CTNNA2: variants seen among roughly 807,000 people sequenced by gnomAD.
CTNNA2 encodes the protein catenin alpha-2.
CTNNA2 carries 42 observed loss-of-function variants against 101.0 expected under a neutral mutation model. The observed-to-expected ratio is 0.42, with a 90% CI of 0.32 to 0.54. CTNNA2 has a LOEUF of 0.54. CTNNA2 is among the 20% of genes least tolerant of loss of function. The pLI is 0.14. For synonymous variants in CTNNA2, 450 were observed against 456.4 expected (o/e 0.99, Z 0.18); for missense variants, 871 against 1,223.1 (o/e 0.71, Z 4.29).
intron 4 of CTNNA2, among the ~76,000 whole-genome samples, chr2:79,476,797 C>T (rs188140912): frequency 4.6e-5 from 7 of 152,188 alleles, no homozygotes; most frequent in Non-Finnish European, 8.8e-5. Context: ...CTCTCGGCTA[C>T]CTTTGCCATC....
At chr2:79,227,399 T>C (rs1674431650) in intron 2 of CTNNA2, among the ~76,000 whole-genome samples, 1 of 152,216 alleles carries the variant, frequency 6.6e-6, no homozygotes, top group Admixed American at 6.5e-5. Flanking sequence ...ATCTATGCAA[T>C]GGCGATATTC....
chr2:79,762,629 A>G (rs1672869748), intron 3 of CTNNA2, among the ~76,000 whole-genome samples: 1 of 152,206 alleles, frequency 6.6e-6, no homozygotes, highest in Admixed American at 6.5e-5. Flanking sequence ...TATTCAGGCA[A>G]GACCTGGTCA....
intron 9 of CTNNA2, among the ~76,000 whole-genome samples, chr2:80,487,895 A>C (rs531148769): frequency 6.6e-6 from 1 of 152,148 alleles, no homozygotes; most frequent in South Asian, 2.1e-4. Flanking sequence ...CTTTTGATAT[A>C]TTTTTTCTGT....
intron 7 of CTNNA2, among the ~76,000 whole-genome samples, chr2:80,223,234 A>C (rs937958468): frequency 6.6e-6 from 1 of 152,194 alleles, no homozygotes; most frequent in African/African-American, 2.4e-5. Context: ...GAACGTAATG[A>C]AGAATACTTG....
chr2:79,402,007 G>A (rs1214515641), intron 4 of CTNNA2, among the ~76,000 whole-genome samples: 1 of 151,690 alleles, frequency 6.6e-6, no homozygotes, highest in Non-Finnish European at 1.5e-5. Context: ...TAGCCATGCA[G>A]TGGCTATAAT....
At chr2:79,348,315 T>C (rs894186865) in intron 3 of CTNNA2, among the ~76,000 whole-genome samples, 25 of 152,204 alleles carry the variant, frequency 1.6e-4, no homozygotes, top group African/African-American at 5.8e-4. Flanking sequence ...AATGGCTGAA[T>C]TATCTGATCA....
chr2:79,261,911 G>A (rs942776488), intron 2 of CTNNA2, among the ~76,000 whole-genome samples: 9 of 152,290 alleles, frequency 5.9e-5, no homozygotes, highest in African/African-American at 2.2e-4. Flanking sequence ...GAAGACAAGT[G>A]TTTCAAATTA....
chr2:79,376,022 A>T (rs866419493), intron 4 of CTNNA2, among the ~76,000 whole-genome samples: 4 of 152,300 alleles, frequency 2.6e-5, no homozygotes, highest in Non-Finnish European at 5.9e-5. Context: ...AGGAACCGAA[A>T]ATGAAAGCAT....
chr2:79,971,546 T>C (rs1180085330), intron 7 of CTNNA2, among the ~76,000 whole-genome samples: 1 of 152,190 alleles, frequency 6.6e-6, no homozygotes, highest in Non-Finnish European at 1.5e-5. Flanking sequence ...CAAACCCTGA[T>C]ACATTTGGTA....
chr2:79,982,274 T>TAACACACAC (rs1324800009), intron 7 of CTNNA2, among the ~76,000 whole-genome samples: 12 of 136,860 alleles, frequency 8.8e-5, no homozygotes, highest in African/African-American at 3.1e-4. Flanking sequence ...ATAACATATA[T>TAACACACAC]ATAATATATA....
chr2:80,083,359 C>T (rs1699259606), intron 7 of CTNNA2, among the ~76,000 whole-genome samples: 1 of 152,160 alleles, frequency 6.6e-6, no homozygotes, highest in Non-Finnish European at 1.5e-5. Context: ...GTTCTATTAA[C>T]TGCTTCAGTA....
At chr2:80,001,277 T>A (rs1692927243) in intron 7 of CTNNA2, among the ~76,000 whole-genome samples, 1 of 152,196 alleles carries the variant, frequency 6.6e-6, no homozygotes, top group South Asian at 2.1e-4. Context: ...AAGTGAAATA[T>A]TTCTCTAGGG....
chr2:80,501,672 G>T (rs139087805), intron 9 of CTNNA2, among the ~76,000 whole-genome samples: 1 of 152,280 alleles, frequency 6.6e-6, no homozygotes, highest in East Asian at 1.9e-4. Flanking sequence ...ATGAATGTGC[G>T]TTCAGGAGGA....
At chr2:79,981,756 T>A (rs558765784) in intron 7 of CTNNA2, among the ~76,000 whole-genome samples, 43 of 152,302 alleles carry the variant, frequency 2.8e-4, no homozygotes, top group African/African-American at 1.0e-3. Context: ...TGCCCATTAT[T>A]TATTTCGTAA....
At chr2:79,946,774 A>G (rs10172596) in intron 7 of CTNNA2, among the ~76,000 whole-genome samples, 59,562 of 151,964 alleles carry the variant, frequency 0.39, 11,943 homozygotes, top group African/African-American at 0.46. Context: ...CATTGGGAGC[A>G]TATAGTTGAA....
At chr2:80,270,116 C>T (rs138044318) in intron 7 of CTNNA2, among the ~76,000 whole-genome samples, 375 of 152,234 alleles carry the variant, frequency 2.5e-3, no homozygotes, top group African/African-American at 8.5e-3. Flanking sequence ...GAATTCGTTC[C>T]GATGAGAAAG....
At chr2:79,598,407 T>C (rs1473918732) in intron 1 of CTNNA2, among the ~76,000 whole-genome samples, 1 of 152,242 alleles carries the variant, frequency 6.6e-6, no homozygotes, top group Non-Finnish European at 1.5e-5. Context: ...AAAGTGGCTG[T>C]ATGATTTCGC....
intron 7 of CTNNA2, among the ~76,000 whole-genome samples, chr2:80,190,535 T>C (rs909727789): frequency 6.6e-6 from 1 of 152,100 alleles, no homozygotes; most frequent in African/African-American, 2.4e-5. Context: ...GTTTATTATA[T>C]ATAAGAAACA....
rs769232475 is a variant in CTNNA2, at chr2:80,036,846, TGTGAGA to T, written c.1056+127051_1056+127056del. Reference sequence around the variant, plus strand: ...GTTTGTGTGTGTGTGTGTGTGTGTGTGTGAGAGAGAGAGAGAGAGAGAGAGAGAGAG... The same window carrying T: ...GTTTGTGTGTGTGTGTGTGTGTGTGTGAGAGAGAGAGAGAGAGAGAGAGAG... On this transcript the variant is annotated intron_variant, in intron 7 of 18. Coordinates refer to ENST00000402739, the MANE Select transcript of CTNNA2 (RefSeq NM_001282597.3). 3.2e-3 allele frequency among the ~76,000 whole-genome samples: 346 copies of T among 109,184 alleles called. 2 individuals are homozygous for T. The highest frequency in any genetic ancestry group is 6.6e-3 in the South Asian group (17 of 2,594). The allele number at this position is 109,184 out of a possible 152,430, so 71.6% of individuals were successfully genotyped here. A position where few individuals can be genotyped will look rare whatever the true frequency, so the allele number is the denominator to read the frequency against.
Sources: allele counts gnomAD v4.1 joint callset (sites outside exome capture counted in the v4.1 genomes callset), GRCh38; gene constraint gnomAD v4.1.1; transcripts MANE v1.5; gene names NCBI Gene and HGNC (gene_info 2026-07-23, HGNC 2026-07-21).